Variants in DIP2C observed in about 807,000 individuals in gnomAD.
The protein encoded by DIP2C is disco-interacting protein 2 homolog C.
In DIP2C, 33 loss-of-function variants were observed where a neutral mutation model predicts 192.4. The ratio of observed to expected loss-of-function variants is 0.17; its 90% CI spans 0.13 to 0.23. The LOEUF is 0.23. DIP2C is among the 10% of genes least tolerant of loss of function. The pLI, the probability that DIP2C is intolerant of heterozygous loss-of-function variation, is 1.00. For missense variants in DIP2C, 1,537 were observed against 2,110.1 expected, an observed-to-expected ratio of 0.73 and a Z score of 5.32; for synonymous variants, 979 against 864.1, an observed-to-expected ratio of 1.13 and a Z score of -2.33.
intron 1 of DIP2C, among the ~76,000 whole-genome samples, chr10:624,703 G>T (rs963070437): frequency 1.3e-5 from 2 of 152,178 alleles, no homozygotes; most frequent in East Asian, 1.9e-4. Context: ...TGCTGAATAT[G>T]CAGGCACACA....
At chr10:366,510 G>A (rs893437021) in intron 18 of DIP2C, 99 bp from the exon 19 acceptor site, 4 of 1,531,880 alleles carry the variant, frequency 2.6e-6, no homozygotes, top group Admixed American at 1.8e-5. Context: ...CCAGTGAACA[G>A]GAATGGGGTC....
intron 1 of DIP2C, among the ~76,000 whole-genome samples, chr10:581,439 TAATC>T (rs980902802): frequency 3.9e-5 from 6 of 152,176 alleles, no homozygotes; most frequent in Non-Finnish European, 7.4e-5. Flanking sequence ...TCAAAGGTGC[TAATC>T]AAAAATGTAC....
intron 31 of DIP2C, among the ~76,000 whole-genome samples, chr10:312,891 A>G (rs186521215): frequency 1.9e-4 from 29 of 152,244 alleles, no homozygotes; most frequent in African/African-American, 7.0e-4. Flanking sequence ...ATAAGTCAAC[A>G]TTCTCTCTAA....
intron 1 of DIP2C, among the ~76,000 whole-genome samples, chr10:632,168 C>T (rs1035595090): frequency 3.9e-5 from 6 of 152,190 alleles, no homozygotes; most frequent in African/African-American, 1.2e-4. Flanking sequence ...GACCACAAAA[C>T]GCCAGTGTTG....
At chr10:593,505 T>A (rs1348524994) in intron 1 of DIP2C, among the ~76,000 whole-genome samples, 2 of 33,520 alleles carry the variant, frequency 6.0e-5, no homozygotes, top group Non-Finnish European at 1.1e-4. Context: ...CCCCACCCTT[T>A]CTGGAGAAAT....
At chr10:579,815 A>T (rs913653223) in intron 1 of DIP2C, among the ~76,000 whole-genome samples, 1 of 150,404 alleles carries the variant, frequency 6.6e-6, no homozygotes, top group Non-Finnish European at 1.5e-5. Context: ...GTACACTATA[A>T]TGTGTACATG....
intron 17 of DIP2C, among the ~76,000 whole-genome samples, chr10:371,235 C>A: frequency 6.6e-6 from 1 of 152,024 alleles, no homozygotes; most frequent in Non-Finnish European, 1.5e-5. Context: ...CTACAAAGAT[C>A]AGCGTGGAAG....
chr10:579,195 A>G (rs182371397), intron 1 of DIP2C, among the ~76,000 whole-genome samples: 85 of 151,962 alleles, frequency 5.6e-4, no homozygotes, highest in African/African-American at 2.0e-3. Context: ...TAACATGTAC[A>G]TGCATAGAGC....
chr10:394,233 C>T (rs1564655857), intron 10 of DIP2C, among the ~76,000 whole-genome samples: 2 of 151,252 alleles, frequency 1.3e-5, no homozygotes, highest in East Asian at 2.0e-4. Flanking sequence ...CAGCCTTCAG[C>T]GAGGAGGGAA....
intron 1 of DIP2C, among the ~76,000 whole-genome samples, chr10:656,910 A>C (rs1856370552): frequency 6.6e-6 from 1 of 152,236 alleles, no homozygotes; most frequent in Non-Finnish European, 1.5e-5. Flanking sequence ...TTGCTTTAAT[A>C]AAGCAAATGC....
chr10:500,337 C>A (rs1213052403), intron 1 of DIP2C, among the ~76,000 whole-genome samples: 1 of 152,262 alleles, frequency 6.6e-6, no homozygotes, highest in East Asian at 1.9e-4. Context: ...AGACGTTATA[C>A]AGTACTATTT....
intron 3 of DIP2C, among the ~76,000 whole-genome samples, chr10:449,782 TAA>T (rs59436219): frequency 4.6e-4 from 59 of 127,170 alleles, no homozygotes; most frequent in East Asian, 8.8e-4. Flanking sequence ...AAAGTATAAT[TAA>T]AAAAAAAAAA....
intron 1 of DIP2C, among the ~76,000 whole-genome samples, chr10:606,371 G>A (rs1379031734): frequency 6.6e-6 from 1 of 151,464 alleles, no homozygotes; most frequent in African/African-American, 2.4e-5. Flanking sequence ...AATTCTCATT[G>A]GTTGGGAGGG....
intron 3 of DIP2C, among the ~76,000 whole-genome samples, chr10:456,112 C>A (rs1407731378): frequency 2.3e-5 from 2 of 86,372 alleles, no homozygotes; most frequent in Non-Finnish European, 2.2e-5. Flanking sequence ...TGAGTCCCTG[C>A]CTGAGGGGAG....
Position 277,699 on chromosome 10 carries a change from G to A in DIP2C, c.4419-122C>T, listed in dbSNP as rs373679096. Reference sequence around the variant, plus strand: ...TGAGCACTGCCCGACAGTCTCCTCCGGCCTCTCCACGTCCTCCGTCTGCCG... The same window carrying A: ...TGAGCACTGCCCGACAGTCTCCTCCAGCCTCTCCACGTCCTCCGTCTGCCG... On this transcript the variant is annotated intron_variant, in intron 36 of 36. Transcript: ENST00000280886. 1.3e-4 allele frequency: 172 copies of A among 1,346,922 alleles called. 1 individual carries two copies. In the South Asian group the frequency reaches 1.5e-3, roughly 12 times the overall value. 83.4% of individuals were successfully genotyped at this position (1,346,922 alleles called of 1,614,324 possible).
At chr10:483,814 T>C (rs1843798722) in intron 2 of DIP2C, among the ~76,000 whole-genome samples, 4 of 151,808 alleles carry the variant, frequency 2.6e-5, no homozygotes, top group Admixed American at 2.6e-4. Context: ...TATGACTTCA[T>C]TTTACCAATT....
At chr10:333,958 A>C (rs558065505) in intron 29 of DIP2C, among the ~76,000 whole-genome samples, 3 of 152,266 alleles carry the variant, frequency 2.0e-5, no homozygotes, top group Admixed American at 2.0e-4. Flanking sequence ...CTGGTGAGAT[A>C]TCTATTCAGA....
At chr10:408,113 T>C (rs1047293088) in intron 9 of DIP2C, among the ~76,000 whole-genome samples, 8 of 150,508 alleles carry the variant, frequency 5.3e-5, no homozygotes, top group African/African-American at 2.0e-4. Flanking sequence ...TTTGAATGAA[T>C]TTTTTGCATA....
chr10:686,383 C>T (rs115329183), intron 1 of DIP2C, among the ~76,000 whole-genome samples: 357 of 152,064 alleles, frequency 2.3e-3, no homozygotes, highest in African/African-American at 8.1e-3. Flanking sequence ...GCCTCCTCAC[C>T]CGAGGGGCCT....
Sources: allele counts gnomAD v4.1 joint callset (sites outside exome capture counted in the v4.1 genomes callset), GRCh38; gene constraint gnomAD v4.1.1; transcripts MANE v1.5; gene names NCBI Gene and HGNC (gene_info 2026-07-23, HGNC 2026-07-21).